Variants in SLC35F3 observed in about 807,000 individuals in gnomAD.
SLC35F3 encodes putative thiamine transporter SLC35F3.
A neutral mutation model predicts 49.9 loss-of-function variants in SLC35F3; 25 were observed. That is an observed-to-expected ratio of 0.50 (90% CI 0.37 to 0.70). The LOEUF (loss-of-function observed/expected upper bound fraction) is 0.70, where lower values mean the gene tolerates loss of function less well. SLC35F3 is among the 30% of genes least tolerant of loss of function. The pLI, the probability that SLC35F3 is intolerant of heterozygous loss-of-function variation, is 0.00. For missense variants in SLC35F3, 525 were observed against 639.8 expected (o/e 0.82, Z 1.94); for synonymous variants, 275 against 265.4 (o/e 1.04, Z -0.35).
At chr1:234,177,028 A>G (rs1666486654) in intron 2 of SLC35F3, among the ~76,000 whole-genome samples, 1 of 152,158 alleles carries the variant, frequency 6.6e-6, no homozygotes, top group South Asian at 2.1e-4. Flanking sequence ...TGTAATTCCC[A>G]CAATTCCCAC....
At chr1:234,181,351 AAAAAG>A (rs1186655269) in intron 2 of SLC35F3, among the ~76,000 whole-genome samples, 10 of 151,606 alleles carry the variant, frequency 6.6e-5, no homozygotes, top group African/African-American at 1.2e-4. Flanking sequence ...AAAAAAAAAA[AAAAAG>A]AAAGAAAGAA....
chr1:234,208,225 A>G (rs1020428276), intron 2 of SLC35F3, among the ~76,000 whole-genome samples: 1 of 152,206 alleles, frequency 6.6e-6, no homozygotes, highest in African/African-American at 2.4e-5. Flanking sequence ...GGGAATCATA[A>G]GTATCACTTA....
intron 2 of SLC35F3, among the ~76,000 whole-genome samples, chr1:234,072,193 T>C (rs1298604507): frequency 1.3e-5 from 2 of 152,242 alleles, no homozygotes; most frequent in Non-Finnish European, 2.9e-5. Flanking sequence ...TTTTGGATAT[T>C]TTTCTGTCTT....
chr1:234,222,679 G>A (rs1228379318), intron 2 of SLC35F3, among the ~76,000 whole-genome samples: 2 of 152,172 alleles, frequency 1.3e-5, no homozygotes, highest in African/African-American at 4.8e-5. Flanking sequence ...TCTTTGCCTG[G>A]AGGTACTGTC....
chr1:233,984,405 T>C (rs1261364216), intron 2 of SLC35F3, among the ~76,000 whole-genome samples: 1 of 152,218 alleles, frequency 6.6e-6, no homozygotes, highest in Non-Finnish European at 1.5e-5. Flanking sequence ...AGGCAGCTGA[T>C]GCTCAATCCT....
At chr1:234,123,271 A>T (rs528349231) in intron 2 of SLC35F3, among the ~76,000 whole-genome samples, 1 of 152,122 alleles carries the variant, frequency 6.6e-6, no homozygotes, top group Non-Finnish European at 1.5e-5. Context: ...TCTTCTTTTG[A>T]GAAGTGTCTG....
At chr1:234,051,394 T>G (rs1471684497) in intron 2 of SLC35F3, among the ~76,000 whole-genome samples, 1 of 152,244 alleles carries the variant, frequency 6.6e-6, no homozygotes, top group Non-Finnish European at 1.5e-5. Context: ...TTATTCTCTT[T>G]GGAGCAATTG....
At chr1:234,218,400 T>C (rs2102943785) in intron 2 of SLC35F3, among the ~76,000 whole-genome samples, 1 of 152,268 alleles carries the variant, frequency 6.6e-6, no homozygotes, top group African/African-American at 2.4e-5. Context: ...GGCTAATGAA[T>C]AAAGCTCTCC....
intron 2 of SLC35F3, among the ~76,000 whole-genome samples, chr1:233,989,393 A>T (rs1663318770): frequency 6.6e-6 from 1 of 152,238 alleles, no homozygotes; most frequent in African/African-American, 2.4e-5. Context: ...TAAGGATGTT[A>T]TACATTTATG....
At chr1:234,262,901 C>T (rs905970127) in intron 3 of SLC35F3, among the ~76,000 whole-genome samples, 2 of 152,228 alleles carry the variant, frequency 1.3e-5, no homozygotes, top group African/African-American at 4.8e-5. Flanking sequence ...ATTAGGCAAA[C>T]AGCCCTTTGA....
intron 2 of SLC35F3, among the ~76,000 whole-genome samples, chr1:234,014,437 C>T (rs1045408377): frequency 1.2e-4 from 18 of 152,092 alleles, no homozygotes; most frequent in African/African-American, 4.3e-4. Context: ...CCACTCTAAC[C>T]GCTTCTGTTC....
Position 234,320,629 on chromosome 1 carries a change from T to G in SLC35F3, c.1237+442T>G, listed in dbSNP as rs1429227272. Among the ~76,000 whole-genome samples the G allele has an allele frequency of 1.3e-5, 2 of 152,066 alleles. No homozygotes were observed. Among genetic ancestry groups the G allele is most frequent in the East Asian group, 1.9e-4 (1 of 5,178 alleles). ...CAGGTAACTTTCTGGGGGAGAAAAT[T>G]TGCTCAAGGCATGAGGTAGAAACAT... On this transcript the variant is annotated intron_variant, in intron 7 of 7. Transcript: ENST00000366618. This position sits in a 1 kb window ranked among gnomAD's most constrained non-coding sequence, Gnocchi z 4.8.
intron 3 of SLC35F3, among the ~76,000 whole-genome samples, chr1:234,299,328 C>T (rs530898845): frequency 1.2e-4 from 19 of 152,100 alleles, no homozygotes; most frequent in Non-Finnish European, 2.5e-4. Context: ...TGTAAACAAC[C>T]AATACTTTTA....
At chr1:234,106,160 T>G (rs1665282081) in intron 2 of SLC35F3, among the ~76,000 whole-genome samples, 1 of 152,208 alleles carries the variant, frequency 6.6e-6, no homozygotes, top group South Asian at 2.1e-4. Flanking sequence ...CCAAGGTAGT[T>G]CACCATGATT....
intron 2 of SLC35F3, among the ~76,000 whole-genome samples, chr1:233,915,508 C>G (rs1661952824): frequency 6.6e-6 from 1 of 152,084 alleles, no homozygotes; most frequent in African/African-American, 2.4e-5. Context: ...TATGATTGCA[C>G]CACTGCATTC....
intron 3 of SLC35F3, among the ~76,000 whole-genome samples, chr1:234,278,839 C>A (rs74522600): frequency 6.6e-6 from 1 of 152,094 alleles, no homozygotes; most frequent in Non-Finnish European, 1.5e-5. Context: ...AGGGCCCCAA[C>A]GCCATGACCT....
chr1:233,955,001 G>A (rs531725698), intron 2 of SLC35F3, among the ~76,000 whole-genome samples: 1 of 151,982 alleles, frequency 6.6e-6, no homozygotes, highest in East Asian at 1.9e-4. Context: ...ACACCACCAC[G>A]CCCGGCTAAT....
intron 2 of SLC35F3, among the ~76,000 whole-genome samples, chr1:234,221,994 A>G (rs921383312): frequency 2.0e-5 from 3 of 152,216 alleles, no homozygotes; most frequent in African/African-American, 7.2e-5. Context: ...GAGACCAGGA[A>G]CAATAAGGAA....
At chr1:234,106,661 C>T (rs1236935696) in intron 2 of SLC35F3, among the ~76,000 whole-genome samples, 1 of 152,204 alleles carries the variant, frequency 6.6e-6, no homozygotes, top group African/African-American at 2.4e-5. Context: ...AAGGCCCTTT[C>T]TTCAAACACA....
Sources: allele counts gnomAD v4.1 joint callset (sites outside exome capture counted in the v4.1 genomes callset), GRCh38; gene constraint gnomAD v4.1.1; non-coding constraint Gnocchi (gnomAD v3.1); transcripts MANE v1.5; gene names NCBI Gene and HGNC (gene_info 2026-07-23, HGNC 2026-07-21).